The following FKBP5 variants were observed in gnomAD, a reference collection of about 807,000 sequenced individuals.
FKBP5 encodes the protein peptidyl-prolyl cis-trans isomerase FKBP5.
In FKBP5, 23 loss-of-function variants were observed where a neutral mutation model predicts 50.5. The observed-to-expected ratio is 0.46, with a 90% CI of 0.33 to 0.65. The LOEUF is 0.65. FKBP5 is among the 30% of genes least tolerant of loss of function. FKBP5 has a pLI of 0.02. For synonymous variants in FKBP5, 176 were observed against 190.6 expected (o/e 0.92, Z 0.63); for missense variants, 411 against 553.1 (o/e 0.74, Z 2.58).
intron 3 of FKBP5, among the ~76,000 whole-genome samples, chr6:35,625,655 G>A (rs1763973080): frequency 6.7e-6 from 1 of 149,846 alleles, no homozygotes; most frequent in Non-Finnish European, 1.5e-5. Flanking sequence ...AGAATGGCGT[G>A]AACCCGGGAG....
chr6:35,719,549 A>G (rs963025718), intron 2 of FKBP5, among the ~76,000 whole-genome samples: 3 of 152,224 alleles, frequency 2.0e-5, no homozygotes, highest in Non-Finnish European at 2.9e-5. Flanking sequence ...GGACATGCTC[A>G]GTTTAATGAA....
chr6:35,585,245 G>A (rs543609327), intron 8 of FKBP5: 3 of 978,864 alleles, frequency 3.1e-6, no homozygotes, highest in Middle Eastern at 5.3e-4. Flanking sequence ...AGAAAATACT[G>A]TTAAGGACTC....
chr6:35,632,904 A>G (rs1349171085), intron 3 of FKBP5, among the ~76,000 whole-genome samples: 2 of 152,074 alleles, frequency 1.3e-5, no homozygotes, highest in African/African-American at 2.4e-5. Context: ...AGAAAAAAAA[A>G]AAAAGAAAAG....
In FKBP5 at chr6:35,573,865, CACTT is replaced by C. The variant is rs1762134240; in HGVS notation, c.*1966_*1969del. 6.6e-6 allele frequency: 1 copy of C among 152,344 alleles called. No homozygotes were observed. The highest frequency in any genetic ancestry group is 6.5e-5 in the Admixed American group (1 of 15,292). The allele number at this position is 152,344 out of a possible 1,614,324, so 9.4% of individuals were successfully genotyped here. On this transcript the variant is annotated 3_prime_UTR_variant, in exon 11 of 11. Transcript: ENST00000357266. ...CACACACCCTTCCCCTCCCCACACA[CACTT>C]TTGCCAGTTCCCCCTGGTGAACCAT...
chr6:35,591,409 C>T (rs1762816207), intron 6 of FKBP5, among the ~76,000 whole-genome samples, 189 bp from the exon 7 acceptor site: 1 of 152,176 alleles, frequency 6.6e-6, no homozygotes, highest in Non-Finnish European at 1.5e-5. Context: ...TTCTTAGAAA[C>T]CAGGCTAGGT....
At chr6:35,632,619 G>A (rs1764194032) in intron 3 of FKBP5, among the ~76,000 whole-genome samples, 1 of 152,096 alleles carries the variant, frequency 6.6e-6, no homozygotes, top group African/African-American at 2.4e-5. Flanking sequence ...GCCAGGCGCG[G>A]TAGCTCATGC....
intron 2 of FKBP5, among the ~76,000 whole-genome samples, chr6:35,703,408 C>A (rs1372625791): frequency 6.6e-6 from 1 of 151,378 alleles, no homozygotes; most frequent in East Asian, 1.9e-4. Context: ...GACTCCATCT[C>A]AAAAAAAATA....
chr6:35,694,123 G>C (rs1035531247), intron 2 of FKBP5, among the ~76,000 whole-genome samples: 4 of 152,084 alleles, frequency 2.6e-5, no homozygotes, highest in African/African-American at 9.7e-5. Flanking sequence ...ACAGGTGTGA[G>C]CCACTGCACC....
At chr6:35,631,217 A>G (rs907904727) in intron 3 of FKBP5, among the ~76,000 whole-genome samples, 2 of 152,252 alleles carry the variant, frequency 1.3e-5, no homozygotes, top group Non-Finnish European at 2.9e-5. Context: ...CAAATGTCCT[A>G]TTTTTGAATG....
intron 1 of FKBP5, among the ~76,000 whole-genome samples, chr6:35,662,632 T>C (rs975103067): frequency 4.6e-5 from 7 of 152,082 alleles, no homozygotes; most frequent in African/African-American, 1.7e-4. Flanking sequence ...GGTATACTAA[T>C]ATTTGGTGCC....
chr6:35,627,467 T>C (rs910017702), intron 3 of FKBP5, among the ~76,000 whole-genome samples: 6 of 152,144 alleles, frequency 3.9e-5, no homozygotes, highest in African/African-American at 1.4e-4. Context: ...AATTGGGCTA[T>C]TTTGTTGTTT....
chr6:35,632,529 T>C (rs1220569102), intron 3 of FKBP5, among the ~76,000 whole-genome samples: 1 of 151,806 alleles, frequency 6.6e-6, no homozygotes, highest in Non-Finnish European at 1.5e-5. Context: ...TATAATCATA[T>C]ATAATATATG....
intron 5 of FKBP5, 26 bp downstream of exon 5, chr6:35,619,070 T>C (rs750880390): frequency 6.8e-7 from 1 of 1,481,322 alleles, no homozygotes; most frequent in Non-Finnish European, 9.4e-7. Flanking sequence ...TTTTAAGGAC[T>C]AGTTCCCTCT....
chr6:35,595,463 A>G (rs1371822561), intron 6 of FKBP5, among the ~76,000 whole-genome samples: 1 of 152,204 alleles, frequency 6.6e-6, no homozygotes, highest in Non-Finnish European at 1.5e-5. Flanking sequence ...GTAATCAGAG[A>G]TGGCCTGGCG....
At chr6:35,601,895 A>G (rs978675695) in intron 5 of FKBP5, among the ~76,000 whole-genome samples, 6 of 152,176 alleles carry the variant, frequency 3.9e-5, no homozygotes, top group Non-Finnish European at 5.9e-5. Context: ...TGACTTAAAG[A>G]CTATGTAACT....
chr6:35,583,389 CAA>C, intron 8 of FKBP5: 1 of 985,340 alleles, frequency 1.0e-6, no homozygotes, highest in Non-Finnish European at 1.2e-6. Flanking sequence ...CATGGTAAAA[CAA>C]AACAAAACAC....
At chr6:35,636,690 A>C (rs1764316988) in intron 3 of FKBP5, among the ~76,000 whole-genome samples, 1 of 152,212 alleles carries the variant, frequency 6.6e-6, no homozygotes, top group African/African-American at 2.4e-5. Flanking sequence ...AAATACCATG[A>C]CTACTGGAAC....
At chr6:35,642,606 G>T in intron 2 of FKBP5, 114 bp downstream of exon 2, 1 of 709,050 alleles carries the variant, frequency 1.4e-6, no homozygotes, top group Non-Finnish European at 2.3e-6. Flanking sequence ...TCTAGTGTTT[G>T]GCACTTAGTA....
At chr6:35,638,592 ATTTT>A in intron 2 of FKBP5, among the ~76,000 whole-genome samples, 1 of 151,810 alleles carries the variant, frequency 6.6e-6, no homozygotes. Flanking sequence ...AAATTTTTTT[ATTTT>A]TAGTAGAGAT....
Sources: gnomAD v4.1 joint callset for allele counts (sites outside exome capture counted in the v4.1 genomes callset) on GRCh38, gnomAD v4.1.1 for gene constraint, MANE v1.5 for transcripts, NCBI Gene and HGNC (gene_info 2026-07-23, HGNC 2026-07-21) for gene names.